The following AKT3 variants were observed in gnomAD, a reference collection of about 807,000 sequenced individuals.
AKT3 encodes AKT serine/threonine kinase 3, also known as RAC-gamma serine/threonine-protein kinase.
In AKT3, 15 loss-of-function variants were observed where a neutral mutation model predicts 65.3. The ratio of observed to expected loss-of-function variants is 0.23; its 90% CI spans 0.15 to 0.35. The LOEUF (loss-of-function observed/expected upper bound fraction) is 0.35. Ranked by LOEUF, AKT3 falls within the 10% of genes least tolerant of loss-of-function variation. The pLI is 1.00. For synonymous variants in AKT3, 206 were observed against 183.8 expected (o/e 1.12, Z -0.98); for missense variants, 243 against 576.5 (o/e 0.42, Z 5.92).
At chr1:243,790,414 A>G (rs1277728171) in intron 2 of AKT3, among the ~76,000 whole-genome samples, 2 of 152,144 alleles carry the variant, frequency 1.3e-5, no homozygotes, top group East Asian at 3.8e-4. Flanking sequence ...TTAGCTTCTA[A>G]CTTTTCTTCT....
intron 9 of AKT3, among the ~76,000 whole-genome samples, chr1:243,572,419 T>C (rs894553352): frequency 6.6e-6 from 1 of 152,168 alleles, no homozygotes; most frequent in African/African-American, 2.4e-5. Context: ...CTCATCATAA[T>C]GGAACTTACA....
intron 2 of AKT3, among the ~76,000 whole-genome samples, chr1:243,742,059 T>TAAAAAAAAAAAAAAAAAAAAAAAA (rs36056068): frequency 8.0e-6 from 1 of 125,584 alleles, no homozygotes; most frequent in Non-Finnish European, 1.6e-5. Flanking sequence ...GATAGAAAAT[T>TAAAAAAAAAAAAAAAAAAAAAAAA]AAAAAAAAAA....
chr1:243,605,276 T>A (rs1677315151), intron 8 of AKT3, among the ~76,000 whole-genome samples: 1 of 151,862 alleles, frequency 6.6e-6, no homozygotes, highest in Non-Finnish European at 1.5e-5. Context: ...AATCCTCCTA[T>A]CTCAGCTGCC....
chr1:243,660,555 G>A (rs932300685), intron 4 of AKT3, among the ~76,000 whole-genome samples: 10 of 152,154 alleles, frequency 6.6e-5, no homozygotes, highest in African/African-American at 2.4e-4. Context: ...TTGATGGGAT[G>A]TATCTCAAAA....
At chr1:243,761,465 G>A (rs771554693) in intron 2 of AKT3, among the ~76,000 whole-genome samples, 6 of 151,844 alleles carry the variant, frequency 4.0e-5, no homozygotes, top group African/African-American at 9.7e-5. Context: ...ATGCATTTTC[G>A]CACAAATAAA....
Position 243,804,698 on chromosome 1 carries a change from T to A in AKT3, c.46+38427A>T, listed in dbSNP as rs1372261971. ...TGTCTCTACTAAAAAATACAAAAAA[T>A]TAGCCGGGCGTGGTGGCAGGCACCT... On this transcript the variant is annotated intron_variant, in intron 2 of 13. Coordinates refer to ENST00000673466, the MANE Select transcript of AKT3 (RefSeq NM_005465.7). 2.0e-5 allele frequency among the ~76,000 whole-genome samples: 3 copies of A among 151,880 alleles called. No homozygotes were observed. The East Asian group carries it at 5.8e-4, about 29-fold the overall frequency.
At chr1:243,762,703 C>T (rs1025364507) in intron 2 of AKT3, among the ~76,000 whole-genome samples, 1 of 152,030 alleles carries the variant, frequency 6.6e-6, no homozygotes, top group Non-Finnish European at 1.5e-5. Flanking sequence ...AGATCATTGA[C>T]ACTGTATTTA....
intron 3 of AKT3, among the ~76,000 whole-genome samples, chr1:243,668,244 C>T (rs796713594): frequency 3.9e-5 from 6 of 152,104 alleles, no homozygotes; most frequent in African/African-American, 1.4e-4. Flanking sequence ...TTTGATGCTA[C>T]CAAAAGATAA....
At chr1:243,515,876 G>C (rs981044720) in intron 12 of AKT3, among the ~76,000 whole-genome samples, 1 of 151,826 alleles carries the variant, frequency 6.6e-6, no homozygotes, top group Non-Finnish European at 1.5e-5. Flanking sequence ...TGTAGTCCCA[G>C]CTACTCGGGA....
chr1:243,662,474 C>G (rs1451411184), intron 4 of AKT3, among the ~76,000 whole-genome samples: 1 of 146,242 alleles, frequency 6.8e-6, no homozygotes, highest in Non-Finnish European at 1.5e-5. Flanking sequence ...CCAAACACCA[C>G]ATATTCTCAC....
intron 2 of AKT3, among the ~76,000 whole-genome samples, chr1:243,760,778 G>A (rs924265951): frequency 2.0e-5 from 3 of 152,030 alleles, no homozygotes; most frequent in Non-Finnish European, 4.4e-5. Context: ...TAGTGTTGAA[G>A]TCTCACCTAG....
chr1:243,521,060 C>CA (rs762191747), intron 12 of AKT3, among the ~76,000 whole-genome samples: 60 of 152,160 alleles, frequency 3.9e-4, no homozygotes, highest in Non-Finnish European at 7.1e-4. Context: ...AGTAACAAGT[C>CA]ACGTGCTACT....
At position 243,722,608 on chromosome 1, in the gene AKT3, A is replaced by T. The variant is rs148790570; in HGVS notation, c.47-26892T>A. Among the ~76,000 whole-genome samples the T allele has an allele frequency of 2.4e-3, 360 of 152,326 alleles. 2 individuals carry two copies. Among genetic ancestry groups the T allele is most frequent in the African/African-American group, 8.5e-3 (353 of 41,578 alleles). On this transcript the variant is annotated intron_variant, in intron 2 of 13. Coordinates refer to ENST00000673466, the MANE Select transcript of AKT3 (RefSeq NM_005465.7). Reference sequence around the variant, plus strand: ...CAACAACTTCCTTCAGACTAAGAAGAACAAATTCTAAACTAGAGAACCCTG... The same window carrying T: ...CAACAACTTCCTTCAGACTAAGAAGTACAAATTCTAAACTAGAGAACCCTG...
intron 4 of AKT3, among the ~76,000 whole-genome samples, chr1:243,662,428 T>C (rs956880334): frequency 6.6e-6 from 1 of 151,550 alleles, no homozygotes; most frequent in Non-Finnish European, 1.5e-5. Context: ...AAATTGGAAA[T>C]CATCATTCTC....
intron 13 of AKT3, among the ~76,000 whole-genome samples, chr1:243,509,104 C>T (rs2148354717): frequency 6.6e-6 from 1 of 152,166 alleles, no homozygotes; most frequent in Admixed American, 6.5e-5. Context: ...TTAAAGACAC[C>T]AAGGTTGTAG....
In AKT3 at chr1:243,503,357, T is replaced by C. The variant is rs1441422963; in HGVS notation, c.*1892A>G. 4.3e-6 allele frequency: 1 copy of C among 233,200 alleles called. No individual in the cohort carries two copies. Among genetic ancestry groups the C allele is most frequent in the African/African-American group, 2.2e-5 (1 of 45,134 alleles). The allele number at this position is 233,200 out of a possible 1,614,324, so 14.4% of individuals were successfully genotyped here. A position where few individuals can be genotyped will look rare whatever the true frequency, so the allele number is the denominator to read the frequency against. On this transcript the variant is annotated 3_prime_UTR_variant, in exon 14 of 14. Transcript: ENST00000673466. The stretch of plus-strand genomic sequence containing the variant: ...GCGTCAAGAGGCTAAGACATCTGCA[T>C]ATGAATATGATTCATCCTACTTAGA...
At chr1:243,621,000 C>A (rs1353609962) in intron 6 of AKT3, among the ~76,000 whole-genome samples, 1 of 152,154 alleles carries the variant, frequency 6.6e-6, no homozygotes, top group African/African-American at 2.4e-5. Context: ...CCATTGGAAT[C>A]TCCCTAAAAA....
At chr1:243,772,369 A>G (rs1367393136) in intron 2 of AKT3, among the ~76,000 whole-genome samples, 1 of 152,188 alleles carries the variant, frequency 6.6e-6, no homozygotes, top group Non-Finnish European at 1.5e-5. Flanking sequence ...TCAAAAAAAC[A>G]GGCAAAGGAT....
At chr1:243,815,616 C>CTT (rs200053952) in intron 2 of AKT3, among the ~76,000 whole-genome samples, 168 of 140,970 alleles carry the variant, frequency 1.2e-3, no homozygotes, top group African/African-American at 2.5e-3. Context: ...ATCTATATTG[C>CTT]TTTTTTTTTT....
Sources: allele counts gnomAD v4.1 joint callset (sites outside exome capture counted in the v4.1 genomes callset), GRCh38; gene constraint gnomAD v4.1.1; transcripts MANE v1.5; gene names NCBI Gene and HGNC (gene_info 2026-07-23, HGNC 2026-07-21).